LRBA: variants seen among roughly 807,000 people sequenced by gnomAD.
LRBA encodes the protein lipopolysaccharide-responsive and beige-like anchor protein.
LRBA carries 176 observed loss-of-function variants against 330.0 expected under a neutral mutation model. The ratio of observed to expected loss-of-function variants is 0.53; its 90% confidence interval spans 0.47 to 0.60. The LOEUF (loss-of-function observed/expected upper bound fraction) is 0.60. Among genes scored for constraint, LRBA ranks in the 20% least tolerant of loss-of-function variants. The pLI is 0.00. For synonymous variants in LRBA, 1,230 were observed against 1,193.0 expected (o/e 1.03, Z -0.64); for missense variants, 3,259 against 3,444.8 (o/e 0.95, Z 1.35).
At position 150,848,562 on chromosome 4, in the gene LRBA, GA is replaced by G. The variant is rs9331496; in HGVS notation, c.4339+255del. Among the ~76,000 whole-genome samples the G allele has an allele frequency of 0.61, 73,011 of 120,424 alleles. 23,466 individuals carry two copies. Among genetic ancestry groups the G allele is most frequent in the Non-Finnish European group, 0.76 (44,160 of 58,030 alleles). 79.0% of individuals were successfully genotyped at this position (120,424 alleles called of 152,430 possible). A position where few individuals can be genotyped will look rare whatever the true frequency, so the allele number is the denominator to read the frequency against. ...GAACCACCATTTCAGGGAGAAAAAA[GA>G]AAAAAAAAAAAAAAAAAGATAGGGG... On this transcript the variant is annotated intron_variant, in intron 26 of 56. Transcript: ENST00000651943.
At chr4:150,285,525 C>T (rs990268258) in intron 54 of LRBA, among the ~76,000 whole-genome samples, 3 of 152,168 alleles carry the variant, frequency 2.0e-5, no homozygotes, top group African/African-American at 7.2e-5. Context: ...GGAACCTGGC[C>T]CAGTAATAGC....
chr4:150,353,665 G>C (rs558256229), intron 47 of LRBA, among the ~76,000 whole-genome samples: 1 of 152,198 alleles, frequency 6.6e-6, no homozygotes, highest in East Asian at 1.9e-4. Context: ...GAAAGCTACC[G>C]TGTGCTCATA....
At chr4:150,956,801 C>G (rs948492409) in intron 2 of LRBA, among the ~76,000 whole-genome samples, 1 of 148,998 alleles carries the variant, frequency 6.7e-6, no homozygotes, top group Non-Finnish European at 1.5e-5. Context: ...AAGCATCTGA[C>G]AAAATCTAAT....
At position 150,883,247 on chromosome 4, in the gene LRBA, G is replaced by A. The variant is rs535611517; in HGVS notation, c.2165+9805C>T. On this transcript the variant is annotated intron_variant, in intron 17 of 56. Transcript: ENST00000651943. ...AGGCCAAGATGGGCAGATCACTTGAGGTCAGGAGATCAAGACCAGCCTGGG... is the reference window on the plus strand; with the variant it reads ...AGGCCAAGATGGGCAGATCACTTGAAGTCAGGAGATCAAGACCAGCCTGGG... 1.4e-4 allele frequency among the ~76,000 whole-genome samples: 21 copies of A among 152,220 alleles called. 1 individual carries two copies. The East Asian group carries it at 4.1e-3, about 29-fold the overall frequency.
chr4:150,442,415 T>C lies in LRBA; in HGVS notation c.6781-5551A>G, dbSNP rs529341656. ...AGGAGTGAAGAAAAGTTGTCAAAACTGAAAAGAAGCTCAGGAAAGGGAGGC... is the reference window on the plus strand; with the variant it reads ...AGGAGTGAAGAAAAGTTGTCAAAACCGAAAAGAAGCTCAGGAAAGGGAGGC... On this transcript the variant is annotated intron_variant, in intron 44 of 56. Coordinates refer to ENST00000651943, the MANE Select transcript of LRBA (RefSeq NM_001364905.1). Among the ~76,000 whole-genome samples the C allele has an allele frequency of 3.3e-5, 5 of 152,276 alleles. No homozygotes were observed. In the South Asian group the frequency reaches 8.3e-4, roughly 25 times the overall value.
At chr4:150,834,640 T>A (rs1437255318) in intron 28 of LRBA, among the ~76,000 whole-genome samples, 2 of 152,182 alleles carry the variant, frequency 1.3e-5, no homozygotes, top group East Asian at 3.8e-4. Flanking sequence ...CAGAGTAGAT[T>A]TATAATAATT....
At chr4:150,858,499 T>C (rs2126946586) in intron 22 of LRBA, among the ~76,000 whole-genome samples, 1 of 152,298 alleles carries the variant, frequency 6.6e-6, no homozygotes, top group African/African-American at 2.4e-5. Context: ...AAAGTGCTGA[T>C]AATCCATGAA....
At chr4:150,522,890 C>A (rs1001041938) in intron 40 of LRBA, among the ~76,000 whole-genome samples, 1 of 152,344 alleles carries the variant, frequency 6.6e-6, no homozygotes, top group East Asian at 1.9e-4. Context: ...ATAGAGCCCC[C>A]ACTAGGGCAA....
intron 47 of LRBA, among the ~76,000 whole-genome samples, chr4:150,400,293 A>T (rs560994959): frequency 6.6e-6 from 1 of 152,318 alleles, no homozygotes; most frequent in African/African-American, 2.4e-5. Context: ...TAGTTTAAAA[A>T]GAAATAGTTA....
chr4:150,671,000 A>ATGTGTGTG (rs57937053), intron 37 of LRBA, among the ~76,000 whole-genome samples: 10,180 of 106,014 alleles, frequency 0.096, 511 homozygotes, highest in African/African-American at 0.14. Context: ...AACATAGCTG[A>ATGTGTGTG]TGTGTGTGTG....
At chr4:150,306,548 G>T (rs1310191367) in intron 52 of LRBA, among the ~76,000 whole-genome samples, 1 of 151,958 alleles carries the variant, frequency 6.6e-6, no homozygotes, top group Admixed American at 6.6e-5. Context: ...AACTTTTCTG[G>T]TAAGTATAAA....
chr4:150,562,261 T>A (rs1027231346), intron 40 of LRBA, among the ~76,000 whole-genome samples: 1 of 152,236 alleles, frequency 6.6e-6, no homozygotes, highest in Non-Finnish European at 1.5e-5. Context: ...TTGCTGAGTA[T>A]TCACCGGTTG....
chr4:150,370,891 T>C (rs1740183435), intron 47 of LRBA, among the ~76,000 whole-genome samples: 1 of 152,162 alleles, frequency 6.6e-6, no homozygotes, highest in African/African-American at 2.4e-5. Context: ...CTCCTCTTCT[T>C]TGTCTTCCAA....
intron 22 of LRBA, among the ~76,000 whole-genome samples, chr4:150,856,769 C>A (rs1204040921): frequency 6.6e-6 from 1 of 152,028 alleles, no homozygotes; most frequent in African/African-American, 2.4e-5. Flanking sequence ...TCTAAATTAC[C>A]CAGCTAAAAG....
intron 2 of LRBA, among the ~76,000 whole-genome samples, chr4:150,940,401 CA>C (rs1001280623): frequency 6.6e-6 from 1 of 151,952 alleles, no homozygotes; most frequent in East Asian, 1.9e-4. Context: ...GATGCTTTCT[CA>C]AAAAAACAAA....
At chr4:150,920,321 G>T (rs1245367264) in intron 5 of LRBA, among the ~76,000 whole-genome samples, 3 of 152,192 alleles carry the variant, frequency 2.0e-5, no homozygotes, top group Non-Finnish European at 1.5e-5. Flanking sequence ...GGCTGAGGTG[G>T]GTGGATCACC....
chr4:150,269,888 G>A (rs1467586605), intron 56 of LRBA, among the ~76,000 whole-genome samples: 1 of 152,150 alleles, frequency 6.6e-6, no homozygotes, highest in Non-Finnish European at 1.5e-5. Flanking sequence ...AGGCTTCAGT[G>A]AGCTGTGATT....
intron 36 of LRBA, among the ~76,000 whole-genome samples, chr4:150,707,503 C>G (rs926898232): frequency 7.3e-5 from 11 of 151,604 alleles, no homozygotes; most frequent in Admixed American, 6.6e-4. Flanking sequence ...ATGGAAGGGT[C>G]TGTCATCAGT....
At chr4:151,013,392 G>A (rs1745069418) in intron 2 of LRBA, 1 of 152,164 alleles carries the variant, frequency 6.6e-6, no homozygotes, top group Non-Finnish European at 1.5e-5. Context: ...ACCAAGCCAG[G>A]CACAATGGCG....
Sources: gnomAD v4.1 joint callset for allele counts (sites outside exome capture counted in the v4.1 genomes callset) on GRCh38, gnomAD v4.1.1 for gene constraint, MANE v1.5 for transcripts, NCBI Gene and HGNC (gene_info 2026-07-23, HGNC 2026-07-21) for gene names.